The following PAK2 variants were observed in gnomAD, a reference collection of about 807,000 sequenced individuals.
PAK2 encodes the protein serine/threonine-protein kinase PAK 2.
In PAK2, 21 loss-of-function variants were observed where a neutral mutation model predicts 65.9. The observed-to-expected ratio is 0.32, with a 90% confidence interval of 0.23 to 0.46. The LOEUF is 0.46. Ranked by LOEUF, PAK2 falls within the 20% of genes least tolerant of loss-of-function variation. The pLI is 1.00. For synonymous variants in PAK2, 204 were observed against 219.7 expected (o/e 0.93, Z 0.63); for missense variants, 324 against 642.6 (o/e 0.50, Z 5.36).
intron 1 of PAK2, among the ~76,000 whole-genome samples, chr3:196,746,111 C>G (rs1475295737): frequency 1.3e-5 from 2 of 152,032 alleles, no homozygotes; most frequent in Non-Finnish European, 2.9e-5. Context: ...GCATGAGCCA[C>G]CGTGCCCAGC....
At chr3:196,778,535 T>A (rs1036172133) in intron 1 of PAK2, among the ~76,000 whole-genome samples, 1 of 152,210 alleles carries the variant, frequency 6.6e-6, no homozygotes. Flanking sequence ...GATAGTAGAT[T>A]TCCTGTATAC....
chr3:196,776,985 A>C (rs78267120), intron 1 of PAK2, among the ~76,000 whole-genome samples: 10,285 of 152,258 alleles, frequency 0.068, 522 homozygotes, highest in African/African-American at 0.15. Context: ...CAGCTAAAAC[A>C]ACTCAGCACA....
chr3:196,756,509 TATTTG>T (rs1316820104), intron 1 of PAK2, among the ~76,000 whole-genome samples: 1 of 152,154 alleles, frequency 6.6e-6, no homozygotes, highest in East Asian at 1.9e-4. Context: ...ACTTAATAAA[TATTTG>T]AATGAATGAA....
At chr3:196,743,724 A>G (rs984107627) in intron 1 of PAK2, among the ~76,000 whole-genome samples, 1 of 152,060 alleles carries the variant, frequency 6.6e-6, no homozygotes, top group Non-Finnish European at 1.5e-5. Flanking sequence ...TCTACTAAAA[A>G]TAAAAATATT....
intron 1 of PAK2, among the ~76,000 whole-genome samples, chr3:196,748,442 C>A (rs843540): frequency 0.47 from 70,949 of 152,008 alleles, 17,029 homozygotes; most frequent in Non-Finnish European, 0.53. Flanking sequence ...AGTATCATAC[C>A]GACTGGTTTC....
intron 13 of PAK2, among the ~76,000 whole-genome samples, chr3:196,822,663 G>A (rs1560119111): frequency 6.6e-6 from 1 of 152,102 alleles, no homozygotes; most frequent in Non-Finnish European, 1.5e-5. Flanking sequence ...TCACATCACT[G>A]CACTCCAGCT....
At chr3:196,807,645 A>G in intron 6 of PAK2, 137 bp from the exon 7 acceptor site, 2 of 537,754 alleles carry the variant, frequency 3.7e-6, no homozygotes, top group Non-Finnish European at 6.7e-6. Context: ...ATATCTGAAA[A>G]TAGTGTTCTC....
At chr3:196,777,290 G>A (rs1240592490) in intron 1 of PAK2, among the ~76,000 whole-genome samples, 4 of 151,982 alleles carry the variant, frequency 2.6e-5, no homozygotes, top group Admixed American at 6.6e-5. Flanking sequence ...TGCAACTTCC[G>A]CCTCCCAGGT....
intron 8 of PAK2, among the ~76,000 whole-genome samples, chr3:196,811,452 G>T (rs1236327784): frequency 9.4e-6 from 1 of 106,280 alleles, no homozygotes; most frequent in Non-Finnish European, 1.7e-5. Context: ...CATAATCTCA[G>T]CTCACTGCAA....
chr3:196,823,631 C>T (rs1183674314), intron 13 of PAK2, among the ~76,000 whole-genome samples: 2 of 151,622 alleles, frequency 1.3e-5, no homozygotes, highest in Admixed American at 1.3e-4. Context: ...TTTGGGAGGC[C>T]GAGGTGGGCA....
chr3:196,748,525 TA>T (rs1713466703), intron 1 of PAK2, among the ~76,000 whole-genome samples: 1 of 152,250 alleles, frequency 6.6e-6, no homozygotes, highest in African/African-American at 2.4e-5. Flanking sequence ...CTGATCCTTT[TA>T]CTACCTCCAT....
chr3:196,744,790 G>A (rs987093787), intron 1 of PAK2, among the ~76,000 whole-genome samples: 14 of 152,092 alleles, frequency 9.2e-5, no homozygotes, highest in Non-Finnish European at 1.8e-4. Context: ...TTAATTATTT[G>A]TGATCATTTA....
In PAK2 at chr3:196,814,434, G is replaced by C. The variant is rs768108246; in HGVS notation, c.936-17G>C. Reference sequence around the variant, plus strand: ...AAAAATAAAAGTGTGACTGTATTTGGTATGTTGTATTTTTAGTTACCTGGT... The same window carrying C: ...AAAAATAAAAGTGTGACTGTATTTGCTATGTTGTATTTTTAGTTACCTGGT... On this transcript the variant is annotated splice_polypyrimidine_tract_variant and intron_variant, in intron 10 of 14. Coordinates refer to ENST00000327134, the MANE Select transcript of PAK2 (RefSeq NM_002577.4). 1.1e-6 allele frequency: 1 copy of C among 878,006 alleles called. No individual in the cohort carries two copies. The highest frequency in any genetic ancestry group is 2.2e-5 in the Admixed American group (1 of 46,452). 54.4% of individuals were successfully genotyped at this position (878,006 alleles called of 1,614,324 possible). A position where few individuals can be genotyped will look rare whatever the true frequency, so the allele number is the denominator to read the frequency against.
chr3:196,799,205 T>G (rs1351087027), intron 2 of PAK2, among the ~76,000 whole-genome samples: 1 of 152,216 alleles, frequency 6.6e-6, no homozygotes, highest in African/African-American at 2.4e-5. Flanking sequence ...GGTTTCAGGA[T>G]ATAAGATTAG....
chr3:196,810,088 G>A (rs115207993), intron 7 of PAK2, among the ~76,000 whole-genome samples: 6,368 of 151,962 alleles, frequency 0.042, 177 homozygotes, highest in Middle Eastern at 0.07. Context: ...AGACCATTTA[G>A]GGTTTAGATA....
chr3:196,810,446 T>C (rs1240722675), intron 7 of PAK2, 144 bp from the exon 8 acceptor site: 25 of 640,464 alleles, frequency 3.9e-5, no homozygotes, highest in Non-Finnish European at 6.7e-5. Flanking sequence ...TGTTTTGTGT[T>C]TGAAACCTGT....
chr3:196,825,007 A>G (rs552030770), intron 13 of PAK2, among the ~76,000 whole-genome samples: 1 of 152,284 alleles, frequency 6.6e-6, no homozygotes, highest in South Asian at 2.1e-4. Context: ...CTATCTGTTC[A>G]ATTTTCTGTA....
intron 2 of PAK2, chr3:196,784,987 T>C (rs1043327638): frequency 2.0e-5 from 3 of 152,400 alleles, no homozygotes; most frequent in Non-Finnish European, 4.4e-5. Flanking sequence ...GTGAAAAATA[T>C]GGAACGCTTC....
Position 196,807,902 on chromosome 3 carries a change from A to G in PAK2, c.697A>G (p.Met233Val), listed in dbSNP as rs1715637366. ...GACTAAGATGACAGATGAAGAGATT[A>G]TGGAGAAATTAAGTATGTTATCTAC... ...KKTKMTDEEI[M>V]EKLRTIVSIG... Residue 233 changes from methionine (M) to valine (V), a missense_variant, in exon 7 of 15, where the codon ATG becomes GTG. Met to Val is a conservative substitution (Grantham distance 21). This residue lies in a region of PAK2 where 183 missense variants were observed against 246.2 expected (regional missense o/e 0.74). Coordinates refer to ENST00000327134, the MANE Select transcript of PAK2 (RefSeq NM_002577.4). 1 of 1,588,144 alleles carries G rather than the reference A, an allele frequency of 6.3e-7. No homozygotes were observed. Among genetic ancestry groups the G allele is most frequent in the Middle Eastern group, 1.7e-4 (1 of 6,020 alleles).
Sources: gnomAD v4.1 joint callset for allele counts (sites outside exome capture counted in the v4.1 genomes callset) on GRCh38, gnomAD v4.1.1 for gene constraint, gnomAD v4.1.1 regional missense constraint, MANE v1.5 for transcripts, NCBI Gene and HGNC (gene_info 2026-07-23, HGNC 2026-07-21) for gene names.